Variants in ZNF723 observed in about 807,000 individuals in gnomAD.
ZNF723 encodes the protein zinc finger protein 723, also known as zinc finger protein 723, pseudogene.
Under a neutral mutation model 9.4 loss-of-function variants are expected in ZNF723, and 5 were observed. That is an observed-to-expected ratio of 0.53 (90% CI 0.28 to 1.12). The LOEUF is 1.12. Among genes scored for constraint, ZNF723 ranks in the 50% most tolerant of loss-of-function variants. ZNF723 has a pLI of 0.10. For synonymous variants in ZNF723, 158 were observed against 168.8 expected (o/e 0.94, Z 0.49); for missense variants, 450 against 501.5 (o/e 0.90, Z 0.98).
chr19:22,828,665 A>G (rs573592408), upstream of ZNF723, among the ~76,000 whole-genome samples: 1 of 152,176 alleles, frequency 6.6e-6, no homozygotes, highest in Admixed American at 6.5e-5. Flanking sequence ...AAAACAAAAC[A>G]AAACAAAGTT....
At chr19:22,827,420 C>T (rs1967046295), upstream of ZNF723, among the ~76,000 whole-genome samples, 1 of 139,476 alleles carries the variant, frequency 7.2e-6, no homozygotes, top group African/African-American at 3.0e-5. Context: ...AGCATGGTTT[C>T]AACTATTTTT....
At position 22,857,799 on chromosome 19, in the gene ZNF723, A is replaced by G. The variant is rs1423315106; in HGVS notation, c.908A>G (p.His303Arg). 2.2e-6 allele frequency: 3 copies of G among 1,373,466 alleles called. No homozygotes were observed. The highest frequency in any genetic ancestry group is 2.1e-6 in the Non-Finnish European group (2 of 961,530). 85.1% of individuals were successfully genotyped at this position (1,373,466 alleles called of 1,614,324 possible). A position where few individuals can be genotyped will look rare whatever the true frequency, so the allele number is the denominator to read the frequency against. The change falls in exon 4 of 4, where the codon CAT (histidine) becomes CGT (arginine). Residue 303 changes from histidine (H) to arginine (R), a missense_variant. This residue lies in a region of ZNF723 where 237 missense variants were observed against 332.2 expected (regional missense o/e 0.71). Transcript: ENST00000600766. The stretch of plus-strand genomic sequence containing the variant: ...AATGTGTTCTCAAGCCTTAATAATC[A>G]TAAGAGAATTCATACTGGAGAGAAA... ...AFNVFSSLNN[H>R]KRIHTGEKPY...
chr19:22,812,501 A>T, the ZNF723 span, among the ~76,000 whole-genome samples: 1 of 151,998 alleles, frequency 6.6e-6, no homozygotes, highest in African/African-American at 2.4e-5. Context: ...AGAGATGTTG[A>T]CTCTCACAAC....
the ZNF723 span, among the ~76,000 whole-genome samples, chr19:22,822,533 A>G: frequency 6.6e-6 from 1 of 152,196 alleles, no homozygotes; most frequent in Non-Finnish European, 1.5e-5. Flanking sequence ...CCAATGGTAC[A>G]GAGAGTGTCA....
chr19:22,842,066 G>A (rs1354738653), intron 1 of ZNF723, among the ~76,000 whole-genome samples: 4 of 152,058 alleles, frequency 2.6e-5, no homozygotes, highest in East Asian at 3.9e-4. Context: ...GTGCAGTGAC[G>A]CAATCTTTGC....
Position 22,851,452 on chromosome 19 carries a change from G to A in ZNF723, c.226+2159G>A, listed in dbSNP as rs1018441785. On this transcript the variant is annotated intron_variant, in intron 3 of 3. Transcript: ENST00000600766. ...CTCCTAAAGTGCTGGGATTACAGGC[G>A]TGAGGCACCGCGCCCAGCCTATATA... Among the ~76,000 whole-genome samples, 6 of 152,084 alleles carry A rather than the reference G, an allele frequency of 3.9e-5. No individual in the cohort carries two copies. In the South Asian group the frequency reaches 6.2e-4, roughly 16 times the overall value.
chr19:22,841,074 CA>C lies in ZNF723; in HGVS notation c.4-7186del, dbSNP rs879903364. ...GACATGGCCATCAGGAGAGGGCAAGCAGGGTGCTCTAGCCCAGTGCTAAAGG... is the reference window on the plus strand; with the variant it reads ...GACATGGCCATCAGGAGAGGGCAAGCGGGTGCTCTAGCCCAGTGCTAAAGG... On this transcript the variant is annotated intron_variant, in intron 1 of 3. Transcript: ENST00000600766. 6.6e-3 allele frequency among the ~76,000 whole-genome samples: 1,000 copies of C among 152,272 alleles called. 10 individuals carry two copies. The highest frequency in any genetic ancestry group is 0.021 in the African/African-American group (859 of 41,568).
chr19:22,837,477 T>G (rs1249871792), intron 1 of ZNF723, among the ~76,000 whole-genome samples: 1 of 151,978 alleles, frequency 6.6e-6, no homozygotes, highest in Non-Finnish European at 1.5e-5. Flanking sequence ...TGAAGAATTG[T>G]TTGGTGTTAA....
At chr19:22,833,993 G>A (rs1368674987) in intron 1 of ZNF723, among the ~76,000 whole-genome samples, 1 of 121,006 alleles carries the variant, frequency 8.3e-6, no homozygotes, top group Admixed American at 1.1e-4. Context: ...GTGGCTCACC[G>A]CAACCTCCGC....
At chr19:22,815,315 T>C in the ZNF723 span, among the ~76,000 whole-genome samples, 1 of 152,106 alleles carries the variant, frequency 6.6e-6, no homozygotes, top group Non-Finnish European at 1.5e-5. Context: ...TTTGCCTGCA[T>C]CCTGTCCACA....
chr19:22,847,133 T>C (rs753441636), intron 1 of ZNF723, among the ~76,000 whole-genome samples: 21 of 151,814 alleles, frequency 1.4e-4, no homozygotes, highest in Non-Finnish European at 2.2e-4. Context: ...TGGAATGTAG[T>C]GGCGTGATCT....
At chr19:22,839,575 G>A (rs898549004) in intron 1 of ZNF723, among the ~76,000 whole-genome samples, 2 of 150,728 alleles carry the variant, frequency 1.3e-5, no homozygotes, top group Non-Finnish European at 2.9e-5. Context: ...CCAGGTTCAA[G>A]CGATTCTCAT....
intron 3 of ZNF723, among the ~76,000 whole-genome samples, chr19:22,852,971 T>C (rs1967419007): frequency 6.6e-6 from 1 of 152,172 alleles, no homozygotes; most frequent in Non-Finnish European, 1.5e-5. Context: ...TTAAGAATAT[T>C]TTCTGCTTAT....
Position 22,858,139 on chromosome 19 carries a change from G to A in ZNF723, c.1248G>A (p.Lys416=). The A allele has an allele frequency of 7.0e-7, 1 of 1,434,226 alleles. No individual in the cohort carries two copies. Among genetic ancestry groups the A allele is most frequent in the Non-Finnish European group, 9.8e-7 (1 of 1,017,706 alleles). 88.8% of individuals were successfully genotyped at this position (1,434,226 alleles called of 1,614,324 possible). A position where few individuals can be genotyped will look rare whatever the true frequency, so the allele number is the denominator to read the frequency against. ...FNQSSALTTH[K]IIHTGERPYK... is the part of the protein sequence containing the mutation. The stretch of plus-strand genomic sequence containing the variant: ...AATCCTCAGCCCTTACTACACATAA[G>A]ATAATTCATACTGGAGAAAGACCTT... Residue 416 remains lysine (K), a synonymous_variant, in exon 4 of 4, where the codon AAG becomes AAA. Transcript: ENST00000600766.
chr19:22,849,324 C>T, intron 3 of ZNF723, 31 bp downstream of exon 3: 1 of 527,934 alleles, frequency 1.9e-6, no homozygotes, highest in Non-Finnish European at 3.5e-6. Flanking sequence ...ATGGACAACA[C>T]AGATAAGACG....
the ZNF723 span, among the ~76,000 whole-genome samples, chr19:22,822,340 A>C: frequency 6.6e-6 from 1 of 152,184 alleles, no homozygotes; most frequent in Non-Finnish European, 1.5e-5. Context: ...AACAGGTTGA[A>C]TAGTGACTGA....
In ZNF723 at chr19:22,857,960, A is replaced by G. The variant is rs1464376239; in HGVS notation, c.1069A>G (p.Thr357Ala). The change falls in exon 4 of 4, where the codon ACT (threonine) becomes GCT (alanine). Residue 357 changes from threonine to alanine, a missense_variant. Thr to Ala is a moderately conservative substitution (Grantham distance 58). Coordinates refer to ENST00000600766, the MANE Select transcript of ZNF723 (RefSeq NM_001349726.2). The part of the protein sequence containing the change: ...GKAFSQSSHI[T>A]THKRIHTGEK... Reference sequence around the variant, plus strand: ...AGCATTCAGCCAGTCCTCACACATTACTACACATAAGAGAATTCACACTGG... The same window carrying G: ...AGCATTCAGCCAGTCCTCACACATTGCTACACATAAGAGAATTCACACTGG... The G allele has an allele frequency of 3.9e-6, 6 of 1,525,006 alleles. No homozygotes were observed. The highest frequency in any genetic ancestry group is 1.7e-4 in the Middle Eastern group (1 of 5,908). The allele number at this position is 1,525,006 out of a possible 1,614,324, so 94.5% of individuals were successfully genotyped here.
chr19:22,835,161 C>T (rs1320289049), intron 1 of ZNF723, among the ~76,000 whole-genome samples: 1 of 149,940 alleles, frequency 6.7e-6, no homozygotes, highest in Non-Finnish European at 1.5e-5. Flanking sequence ...CTTTCTAAGC[C>T]TCCGGAGTAG....
chr19:22,853,561 A>C (rs778985884), intron 3 of ZNF723, among the ~76,000 whole-genome samples: 4 of 152,114 alleles, frequency 2.6e-5, no homozygotes, highest in Non-Finnish European at 5.9e-5. Flanking sequence ...GTAATGCATA[A>C]AAATTTTGTT....
Sources: allele counts gnomAD v4.1 joint callset (sites outside exome capture counted in the v4.1 genomes callset), GRCh38; gene constraint gnomAD v4.1.1; regional missense constraint gnomAD v4.1.1; transcripts MANE v1.5; gene names NCBI Gene and HGNC (gene_info 2026-07-23, HGNC 2026-07-21).